Variants in CPNE4 observed in about 807,000 individuals in gnomAD.
The protein encoded by CPNE4 is copine-4.
A neutral mutation model predicts 67.9 loss-of-function variants in CPNE4; 25 were observed. The observed-to-expected ratio is 0.37, with a 90% CI of 0.27 to 0.51. The LOEUF (loss-of-function observed/expected upper bound fraction) is 0.51. Ranked by LOEUF, CPNE4 falls within the 20% of genes least tolerant of loss-of-function variation. The probability of loss-of-function intolerance (pLI) is 0.93; values close to 1 mark genes in which losing one functional copy is unlikely to be tolerated. For missense variants in CPNE4, 464 were observed against 690.8 expected (o/e 0.67, Z 3.68); for synonymous variants, 242 against 244.9 (o/e 0.99, Z 0.11).
intron 1 of CPNE4, among the ~76,000 whole-genome samples, chr3:131,909,118 C>G (rs2088880577): frequency 6.6e-6 from 1 of 152,150 alleles, no homozygotes; most frequent in Non-Finnish European, 1.5e-5. Context: ...ATACTACCCT[C>G]CATCTAAGAG....
At chr3:132,033,269 T>C (rs568697376) in intron 1 of CPNE4, among the ~76,000 whole-genome samples, 1 of 152,348 alleles carries the variant, frequency 6.6e-6, no homozygotes, top group South Asian at 2.1e-4. Context: ...ACAGTGCTTT[T>C]AAAATCCCTG....
chr3:131,909,924 G>A (rs1197883753), intron 1 of CPNE4, among the ~76,000 whole-genome samples: 1 of 151,714 alleles, frequency 6.6e-6, no homozygotes, highest in Non-Finnish European at 1.5e-5. Flanking sequence ...TGGAATAAAT[G>A]ATTCAGAAAT....
chr3:131,726,425 G>A (rs55755764), intron 2 of CPNE4, among the ~76,000 whole-genome samples: 19 of 152,016 alleles, frequency 1.2e-4, no homozygotes, highest in African/African-American at 4.1e-4. Context: ...GATTTCCAAG[G>A]ATAATCAGAA....
intron 1 of CPNE4, among the ~76,000 whole-genome samples, chr3:131,917,109 C>T (rs2089207973): frequency 6.6e-6 from 1 of 152,172 alleles, no homozygotes; most frequent in South Asian, 2.1e-4. Flanking sequence ...CTGCAATCCA[C>T]ATGCATGGAG....
intron 1 of CPNE4, among the ~76,000 whole-genome samples, chr3:131,921,683 A>C (rs2070743131): frequency 6.6e-6 from 1 of 152,194 alleles, no homozygotes; most frequent in Non-Finnish European, 1.5e-5. Flanking sequence ...TCACCTTAGC[A>C]CTGTTGTGAG....
chr3:131,903,337 C>T (rs1378474943), intron 2 of CPNE4, among the ~76,000 whole-genome samples: 1 of 152,006 alleles, frequency 6.6e-6, no homozygotes, highest in Non-Finnish European at 1.5e-5. Context: ...CTTCTCCTCC[C>T]TATTTCTCCA....
intron 1 of CPNE4, among the ~76,000 whole-genome samples, chr3:131,977,259 C>T (rs16838174): frequency 0.07 from 10,676 of 152,134 alleles, 395 homozygotes; most frequent in East Asian, 0.14. Context: ...TGAGAGGGCT[C>T]CAAAGTTGCA....
At chr3:131,826,607 C>T (rs1470845272) in intron 2 of CPNE4, among the ~76,000 whole-genome samples, 1 of 151,964 alleles carries the variant, frequency 6.6e-6, no homozygotes, top group Admixed American at 6.6e-5. Context: ...CTGTTAATTC[C>T]CTATCTTCCC....
At chr3:131,857,197 G>C (rs1375272012) in intron 2 of CPNE4, among the ~76,000 whole-genome samples, 1 of 151,996 alleles carries the variant, frequency 6.6e-6, no homozygotes, top group Non-Finnish European at 1.5e-5. Context: ...ACTAGTGCAA[G>C]ATTCTAGTGT....
At chr3:131,974,393 C>T (rs954083233) in intron 1 of CPNE4, among the ~76,000 whole-genome samples, 3 of 152,172 alleles carry the variant, frequency 2.0e-5, no homozygotes, top group Non-Finnish European at 4.4e-5. Flanking sequence ...ACAATGTGCA[C>T]ATACACACAC....
intron 2 of CPNE4, among the ~76,000 whole-genome samples, chr3:131,884,419 T>C (rs2087798735): frequency 6.6e-6 from 1 of 152,108 alleles, no homozygotes. Flanking sequence ...TGTTTAGAAG[T>C]AGGTGTCTCC....
intron 1 of CPNE4, among the ~76,000 whole-genome samples, chr3:131,946,973 G>A (rs1187176637): frequency 2.6e-5 from 4 of 152,050 alleles, no homozygotes; most frequent in South Asian, 2.1e-4. Flanking sequence ...TTTCTCCCAC[G>A]GAAAGGTCTT....
At chr3:131,916,939 T>C (rs1172432547) in intron 1 of CPNE4, among the ~76,000 whole-genome samples, 3 of 152,122 alleles carry the variant, frequency 2.0e-5, no homozygotes. Context: ...CATTGCCCTA[T>C]TTGGTGGAGA....
At chr3:131,767,644 G>A (rs1159641252) in intron 2 of CPNE4, among the ~76,000 whole-genome samples, 1 of 152,002 alleles carries the variant, frequency 6.6e-6, no homozygotes, top group Non-Finnish European at 1.5e-5. Context: ...TTCCTCTGCT[G>A]CTTCAGTGAA....
intron 2 of CPNE4, among the ~76,000 whole-genome samples, chr3:131,747,998 C>T (rs1029531350): frequency 3.9e-5 from 6 of 152,006 alleles, no homozygotes; most frequent in Admixed American, 1.3e-4. Context: ...TGTAGATGCT[C>T]TTTATCAAGC....
At chr3:131,902,532 T>A (rs913144274) in intron 2 of CPNE4, among the ~76,000 whole-genome samples, 1 of 152,072 alleles carries the variant, frequency 6.6e-6, no homozygotes, top group Non-Finnish European at 1.5e-5. Flanking sequence ...AAAAAATTGA[T>A]GAATTTAAAT....
intron 7 of CPNE4, among the ~76,000 whole-genome samples, chr3:131,648,176 A>G (rs2079713205): frequency 1.3e-5 from 2 of 152,230 alleles, no homozygotes; most frequent in African/African-American, 4.8e-5. Flanking sequence ...GTTCAAGGCC[A>G]GCCTGAGAAA....
intron 7 of CPNE4, among the ~76,000 whole-genome samples, chr3:131,620,266 T>A (rs1289995878): frequency 6.6e-6 from 1 of 152,216 alleles, no homozygotes; most frequent in African/African-American, 2.4e-5. Context: ...AATTGTTTGG[T>A]TAATTTAAAA....
At chr3:131,576,194 T>G (rs1937544794) in intron 9 of CPNE4, among the ~76,000 whole-genome samples, 1 of 152,140 alleles carries the variant, frequency 6.6e-6, no homozygotes, top group Non-Finnish European at 1.5e-5. Context: ...AGATACCACC[T>G]CCAGGTGGCA....
Sources: allele counts gnomAD v4.1 joint callset (sites outside exome capture counted in the v4.1 genomes callset), GRCh38; gene constraint gnomAD v4.1.1; transcripts MANE v1.5; gene names NCBI Gene and HGNC (gene_info 2026-07-23, HGNC 2026-07-21).